Variants in TPRG1 observed in about 807,000 individuals in gnomAD.
TPRG1 encodes tumor protein p63 regulated 1.
Under a neutral mutation model 29.3 loss-of-function variants are expected in TPRG1, and 29 were observed. The observed-to-expected ratio is 0.99, with a 90% CI of 0.74 to 1.35. TPRG1 has a LOEUF of 1.35. Ranked by LOEUF, TPRG1 falls within the 40% of genes most tolerant of loss-of-function variation. The pLI is 0.00. For synonymous variants in TPRG1, 130 were observed against 116.8 expected (o/e 1.11, Z -0.73); for missense variants, 327 against 335.0 (o/e 0.98, Z 0.19).
upstream of TPRG1, among the ~76,000 whole-genome samples, chr3:189,167,808 G>T (rs1486356804): frequency 2.0e-5 from 3 of 152,244 alleles, no homozygotes; most frequent in South Asian, 2.1e-4. Flanking sequence ...TTAGCAGATT[G>T]GTATCCAGAG....
chr3:189,181,418 C>A (rs576222203), intron 1 of TPRG1, among the ~76,000 whole-genome samples: 2 of 152,306 alleles, frequency 1.3e-5, no homozygotes, highest in African/African-American at 4.8e-5. Context: ...CCCAAGTCAC[C>A]TCTTGAATGC....
chr3:189,132,428 C>G (rs1030679332), exon 3 of TPRG1: 1 of 152,136 alleles, frequency 6.6e-6, no homozygotes, highest in Non-Finnish European at 1.5e-5. Context: ...TGCGACCCTT[C>G]TGATAAGTCA....
intron 5 of TPRG1, chr3:189,315,690 C>T: frequency 6.8e-6 from 2 of 295,496 alleles, no homozygotes; most frequent in Non-Finnish European, 1.4e-5. Flanking sequence ...ACTTTATACT[C>T]TTAGCCCTTT....
Position 189,156,784 on chromosome 3 carries a change from T to C in TPRG1, c.-10+5912T>C, listed in dbSNP as rs1168146491. Among the ~76,000 whole-genome samples the C allele has an allele frequency of 2.0e-5, 3 of 152,176 alleles. No homozygotes were observed. The East Asian group carries it at 5.8e-4, about 29-fold the overall frequency. ...TGGTAGCAGGCAGCACAGAGCTCAA[T>C]GAAATTAGACATATATTTCTTATTT... On this transcript the variant is annotated intron_variant, in intron 5 of 6. Coordinates refer to the TPRG1 transcript ENST00000412373.
At chr3:189,095,426 G>A (rs1013170690), upstream of TPRG1, among the ~76,000 whole-genome samples, 3 of 152,086 alleles carry the variant, frequency 2.0e-5, no homozygotes, top group Admixed American at 6.5e-5. Context: ...CTCTGCGGTG[G>A]CATGCATGAT....
At chr3:189,102,560 T>C (rs1020641177) in intron 1 of TPRG1, among the ~76,000 whole-genome samples, 12 of 152,212 alleles carry the variant, frequency 7.9e-5, no homozygotes, top group Non-Finnish European at 1.8e-4. Flanking sequence ...ATTGCCTAAA[T>C]TCAGGCCCTC....
At position 189,322,603 on chromosome 3, in the gene TPRG1, C is replaced by T. The variant is rs1045327457; in HGVS notation, c.*1783C>T. On this transcript the variant is annotated 3_prime_UTR_variant, in exon 6 of 6. Coordinates refer to ENST00000345063, the MANE Select transcript of TPRG1 (RefSeq NM_198485.4). ...TTGGCAAATTATTATAATACTGCTGCCCGAAAATCCCCATTTGCCTCAAGA... is the reference window on the plus strand; with the variant it reads ...TTGGCAAATTATTATAATACTGCTGTCCGAAAATCCCCATTTGCCTCAAGA... 15 of 152,492 alleles carry T rather than the reference C, an allele frequency of 9.8e-5. No homozygotes were observed. Among genetic ancestry groups the T allele is most frequent in the Admixed American group, 7.2e-4 (11 of 15,248 alleles). The allele number at this position is 152,492 out of a possible 1,614,324, so 9.4% of individuals were successfully genotyped here.
chr3:189,116,977 TA>T (rs145049384), intron 1 of TPRG1, among the ~76,000 whole-genome samples: 3,843 of 152,194 alleles, frequency 0.025, 159 homozygotes, highest in African/African-American at 0.088. Flanking sequence ...TAAAAAATAC[TA>T]AAAAAAATTT....
chr3:189,313,799 A>G (rs909526847), intron 5 of TPRG1, among the ~76,000 whole-genome samples: 5 of 152,154 alleles, frequency 3.3e-5, no homozygotes, highest in African/African-American at 1.2e-4. Flanking sequence ...AAAAATGCAA[A>G]TATTTTTAAG....
chr3:189,113,638 G>A (rs984356390), intron 1 of TPRG1, among the ~76,000 whole-genome samples: 7 of 152,032 alleles, frequency 4.6e-5, no homozygotes, highest in East Asian at 1.9e-4. Context: ...AGATAATCAT[G>A]TGGTTTTTGT....
intron 3 of TPRG1, among the ~76,000 whole-genome samples, chr3:189,222,167 G>A (rs1024686133): frequency 2.6e-5 from 4 of 151,976 alleles, no homozygotes; most frequent in African/African-American, 9.7e-5. Context: ...ACTTTATTTA[G>A]TCTTTGACCA....
intron 3 of TPRG1, among the ~76,000 whole-genome samples, chr3:189,216,565 T>G (rs574355655): frequency 6.6e-6 from 1 of 152,310 alleles, no homozygotes; most frequent in African/African-American, 2.4e-5. Context: ...GAAGAATTCT[T>G]GAGGCCCAAA....
chr3:189,069,667 T>C (rs144832604), intron 4 of TPRG1, among the ~76,000 whole-genome samples: 204 of 152,314 alleles, frequency 1.3e-3, no homozygotes, highest in African/African-American at 4.9e-3. Context: ...AAATGACAAC[T>C]GACATTCCCA....
intron 1 of TPRG1, among the ~76,000 whole-genome samples, chr3:189,121,009 G>A (rs532928343): frequency 3.9e-5 from 6 of 152,248 alleles, no homozygotes; most frequent in Admixed American, 6.5e-5. Context: ...ATTAGATGAC[G>A]CAGTACTACA....
At chr3:189,011,147 A>T (rs535128790) in intron 3 of TPRG1, among the ~76,000 whole-genome samples, 1 of 152,008 alleles carries the variant, frequency 6.6e-6, no homozygotes, top group African/African-American at 2.4e-5. Context: ...CCAGTACCAC[A>T]TTGTTTTGGT....
chr3:189,299,541 T>C (rs950095648), intron 4 of TPRG1, among the ~76,000 whole-genome samples: 9 of 151,862 alleles, frequency 5.9e-5, no homozygotes, highest in East Asian at 5.8e-4. Context: ...AACTCAGAAA[T>C]ATAGACTAAT....
chr3:189,106,164 ATTC>A (rs778491017), intron 1 of TPRG1, among the ~76,000 whole-genome samples: 1 of 152,176 alleles, frequency 6.6e-6, no homozygotes, highest in Non-Finnish European at 1.5e-5. Flanking sequence ...GTTTTGGTTT[ATTC>A]TTAAAAGCAG....
At chr3:189,190,350 G>A (rs753519379) in intron 1 of TPRG1, among the ~76,000 whole-genome samples, 3 of 152,168 alleles carry the variant, frequency 2.0e-5, no homozygotes, top group Non-Finnish European at 4.4e-5. Context: ...CTGGCCCTGT[G>A]AGCTTCAGTT....
intron 3 of TPRG1, among the ~76,000 whole-genome samples, chr3:189,015,033 G>A (rs543733042): frequency 3.6e-4 from 55 of 152,302 alleles, no homozygotes; most frequent in Non-Finnish European, 7.2e-4. Context: ...GATGACGCAG[G>A]AAAGTTTGGA....
Sources: gnomAD v4.1 joint callset for allele counts (sites outside exome capture counted in the v4.1 genomes callset) on GRCh38, gnomAD v4.1.1 for gene constraint, MANE v1.5 for transcripts, NCBI Gene and HGNC (gene_info 2026-07-23, HGNC 2026-07-21) for gene names.